Variants in LAMA4 observed in about 807,000 individuals in gnomAD.
The protein encoded by LAMA4 is laminin subunit alpha 4.
In LAMA4, 127 loss-of-function variants were observed where a neutral mutation model predicts 207.1. The observed-to-expected ratio is 0.61, with a 90% CI of 0.53 to 0.71. The LOEUF (loss-of-function observed/expected upper bound fraction) is 0.71. Among genes scored for constraint, LAMA4 ranks in the 30% least tolerant of loss-of-function variants. LAMA4 has a pLI of 0.00. For missense variants in LAMA4, 2,093 were observed against 2,246.5 expected, an observed-to-expected ratio of 0.93 and a Z score of 1.38; for synonymous variants, 761 against 816.0, an observed-to-expected ratio of 0.93 and a Z score of 1.15.
chr6:112,135,431 A>G (rs1483871188), intron 25 of LAMA4, among the ~76,000 whole-genome samples: 3 of 152,202 alleles, frequency 2.0e-5, no homozygotes, highest in Non-Finnish European at 4.4e-5. Flanking sequence ...AATAGTTAAA[A>G]TATTCTTTTA....
rs963845557 is a variant in LAMA4, at chr6:112,185,873, G to A, written c.967-526C>T. Among the ~76,000 whole-genome samples, 4 of 152,096 alleles carry A rather than the reference G, an allele frequency of 2.6e-5. No homozygotes were observed. The South Asian group carries it at 8.3e-4, about 32-fold the overall frequency. ...ACTTGGGAGTGAGCCCTTCAATCTTGACACTGACTTCCTGTCTGCCATAAT... is the reference window on the plus strand; with the variant it reads ...ACTTGGGAGTGAGCCCTTCAATCTTAACACTGACTTCCTGTCTGCCATAAT... On this transcript the variant is annotated intron_variant, in intron 8 of 38. Coordinates refer to ENST00000230538, the MANE Select transcript of LAMA4 (RefSeq NM_001105206.3).
intron 14 of LAMA4, 88 bp from the exon 15 acceptor site, chr6:112,155,794 G>C: frequency 7.0e-7 from 1 of 1,430,498 alleles, no homozygotes; most frequent in Non-Finnish European, 9.8e-7. Context: ...AATACTTCTA[G>C]GATCACAGAT....
chr6:112,111,712 C>T (rs150017056), intron 38 of LAMA4, among the ~76,000 whole-genome samples: 12 of 152,290 alleles, frequency 7.9e-5, no homozygotes, highest in East Asian at 7.7e-4. Flanking sequence ...CTGGTGGTTA[C>T]GCCCTTCTGG....
chr6:112,225,008 T>G (rs1562753704), intron 2 of LAMA4, among the ~76,000 whole-genome samples: 1 of 151,740 alleles, frequency 6.6e-6, no homozygotes, highest in Non-Finnish European at 1.5e-5. Context: ...TGGTTCATCT[T>G]CTGCTGCTTC....
At chr6:112,132,999 T>C (rs1779129776) in intron 27 of LAMA4, 109 bp from the exon 28 acceptor site, 5 of 1,156,104 alleles carry the variant, frequency 4.3e-6, no homozygotes, top group Non-Finnish European at 6.4e-6. Context: ...ACGTAAATAG[T>C]TTATTTTCCC....
chr6:112,236,336 C>T (rs571605112), intron 2 of LAMA4: 20 of 152,356 alleles, frequency 1.3e-4, no homozygotes, highest in South Asian at 1.2e-3. Context: ...TTTAACATTT[C>T]CATGCTTTCA....
intron 19 of LAMA4, 127 bp downstream of exon 19, chr6:112,144,667 G>A (rs782274261): frequency 2.2e-5 from 24 of 1,100,444 alleles, no homozygotes; most frequent in Non-Finnish European, 3.2e-5. Flanking sequence ...TAGCAAATGG[G>A]GCTGAGAACT....
chr6:112,187,873 C>A (rs1161781972), intron 7 of LAMA4, among the ~76,000 whole-genome samples: 1 of 152,174 alleles, frequency 6.6e-6, no homozygotes, highest in Admixed American at 6.5e-5. Flanking sequence ...GAGGGCACAG[C>A]TCCTCCTCAC....
intron 10 of LAMA4, 73 bp downstream of exon 10, chr6:112,178,048 C>T: frequency 9.7e-7 from 1 of 1,033,808 alleles, no homozygotes. Flanking sequence ...TAACAGTAGC[C>T]ATTATGCCTA....
chr6:112,246,731 A>G (rs1055339677), intron 2 of LAMA4, among the ~76,000 whole-genome samples: 9 of 152,160 alleles, frequency 5.9e-5, no homozygotes, highest in Non-Finnish European at 1.2e-4. Flanking sequence ...CATCTTGGCC[A>G]GGCTGGTCTT....
intron 35 of LAMA4, 118 bp from the exon 36 acceptor site, chr6:112,116,111 C>T (rs2114565389): frequency 9.6e-7 from 1 of 1,038,448 alleles, no homozygotes; most frequent in Non-Finnish European, 1.4e-6. Flanking sequence ...CATTTTTTAA[C>T]AGATAAGTAG....
chr6:112,188,578 G>A (rs931746886), intron 7 of LAMA4, among the ~76,000 whole-genome samples: 3 of 152,174 alleles, frequency 2.0e-5, no homozygotes, highest in Admixed American at 2.0e-4. Flanking sequence ...TTTGTTCCTA[G>A]TGTAACTCCT....
At chr6:112,130,562 T>G (rs1028719863) in intron 29 of LAMA4, among the ~76,000 whole-genome samples, 4 of 152,038 alleles carry the variant, frequency 2.6e-5, no homozygotes, top group African/African-American at 7.2e-5. Flanking sequence ...ATTATCTATT[T>G]TAAAGATGAA....
intron 10 of LAMA4, among the ~76,000 whole-genome samples, chr6:112,177,193 G>C (rs1554344049): frequency 2.6e-5 from 4 of 152,180 alleles, no homozygotes; most frequent in African/African-American, 9.7e-5. Flanking sequence ...TGTTTGGATT[G>C]CATGTCATTT....
rs781800726 is a variant in LAMA4 at position 112,141,499 on chromosome 6, T to C, written c.2672A>G (p.Lys891Arg). 1 of 1,601,282 alleles carries C rather than the reference T, an allele frequency of 6.2e-7. No homozygotes were observed. ...FILYLGSKNA[K>R]KEYMGLAIKN... ...GATTGCAAGACCCATATACTCTTTT[T>C]TGGCCTGAAATATCAAGAAGTAAGA... Residue 891 changes from lysine (K) to arginine (R), a missense_variant, in exon 21 of 39, where the codon AAA (lysine) becomes AGA (arginine). Physicochemically the swap from Lys to Arg is conservative, Grantham distance 26. Transcript: ENST00000230538.
At chr6:112,210,888 A>G (rs1305289725) in intron 3 of LAMA4, among the ~76,000 whole-genome samples, 1 of 152,210 alleles carries the variant, frequency 6.6e-6, no homozygotes, top group African/African-American at 2.4e-5. Context: ...TGCTATTTTC[A>G]AATGAATTTA....
intron 35 of LAMA4, among the ~76,000 whole-genome samples, chr6:112,116,426 T>C (rs1291840331): frequency 6.6e-6 from 1 of 152,108 alleles, no homozygotes; most frequent in Non-Finnish European, 1.5e-5. Context: ...GAAGGAGGCA[T>C]GGTGAGTGGG....
In LAMA4 at chr6:112,216,475, A is replaced by G; in HGVS notation, c.196-6T>C. The stretch of plus-strand genomic sequence containing the variant: ...AAGAATCCAGCATTGCATTTCTGCA[A>G]CAGACACACCAAACCATTTTGATTA... On this transcript the variant is annotated splice_region_variant and splice_polypyrimidine_tract_variant and intron_variant, in intron 2 of 38. Coordinates refer to ENST00000230538, the MANE Select transcript of LAMA4 (RefSeq NM_001105206.3). 6.3e-7 allele frequency: 1 copy of G among 1,589,394 alleles called. No homozygotes were observed. Among genetic ancestry groups the G allele is most frequent in the Non-Finnish European group, 8.6e-7 (1 of 1,157,414 alleles).
intron 2 of LAMA4, among the ~76,000 whole-genome samples, chr6:112,228,150 G>A (rs1170843315): frequency 5.9e-5 from 9 of 152,214 alleles, no homozygotes; most frequent in African/African-American, 2.2e-4. Flanking sequence ...TAGATTGGCA[G>A]AACATGACAA....
Sources: allele counts gnomAD v4.1 joint callset (sites outside exome capture counted in the v4.1 genomes callset), GRCh38; gene constraint gnomAD v4.1.1; transcripts MANE v1.5; gene names NCBI Gene and HGNC (gene_info 2026-07-23, HGNC 2026-07-21).